MYO7A: variants seen among roughly 807,000 people sequenced by gnomAD.
The protein encoded by MYO7A is unconventional myosin-VIIa.
MYO7A carries 210 observed loss-of-function variants against 263.8 expected under a neutral mutation model. The observed-to-expected ratio is 0.80, with a 90% CI of 0.71 to 0.89. MYO7A has a LOEUF of 0.89. MYO7A is among the 40% of genes least tolerant of loss of function. The probability of loss-of-function intolerance (pLI) is 0.00; values close to 1 mark genes in which losing one functional copy is unlikely to be tolerated. For missense variants in MYO7A, 2,820 were observed against 2,968.3 expected, an observed-to-expected ratio of 0.95 and a Z score of 1.16; for synonymous variants, 1,239 against 1,197.3, an observed-to-expected ratio of 1.03 and a Z score of -0.72.
intron 34 of MYO7A, among the ~76,000 whole-genome samples, chr11:77,199,312 A>C (rs1956899655): frequency 6.6e-6 from 1 of 152,208 alleles, no homozygotes; most frequent in Non-Finnish European, 1.5e-5. Flanking sequence ...GTGGGAGGGC[A>C]GGGAGGACTT....
chr11:77,196,401 G>T (rs1039616092), intron 32 of MYO7A, among the ~76,000 whole-genome samples: 23 of 152,064 alleles, frequency 1.5e-4, no homozygotes, highest in Non-Finnish European at 2.1e-4. Flanking sequence ...TCCAAATAGG[G>T]TTACATTCTG....
intron 23 of MYO7A, 128 bp downstream of exon 23, chr11:77,181,717 G>A: frequency 1.1e-6 from 1 of 951,450 alleles, no homozygotes; most frequent in Non-Finnish European, 1.5e-6. Context: ...AGATGAACTG[G>A]GTCCGGGCTG....
intron 21 of MYO7A, 71 bp from the exon 22 acceptor site, chr11:77,180,303 G>T: frequency 7.4e-7 from 1 of 1,352,746 alleles, no homozygotes. Flanking sequence ...TTGGGTGGGT[G>T]GAGCTGGTGG....
intron 41 of MYO7A, 91 bp downstream of exon 41, chr11:77,206,293 A>G: frequency 2.1e-6 from 2 of 936,114 alleles, no homozygotes; most frequent in Non-Finnish European, 3.2e-6. Flanking sequence ...CCTCTCCCCC[A>G]TCACCTGACA....
In MYO7A at chr11:77,180,593, A is replaced by C; in HGVS notation, c.2694+112A>C. On this transcript the variant is annotated intron_variant, in intron 22 of 48. Coordinates refer to ENST00000409709, the MANE Select transcript of MYO7A (RefSeq NM_000260.4). ...CTGCAGCCTTCCTTCCATCCTTCAG[A>C]ATGGCCACACTAGACCCACTCAGCC... The C allele has an allele frequency of 4.3e-6, 4 of 938,224 alleles. No individual in the cohort carries two copies. The South Asian group carries it at 6.3e-5, about 15-fold the overall frequency. 58.1% of individuals were successfully genotyped at this position (938,224 alleles called of 1,614,324 possible). A position where few individuals can be genotyped will look rare whatever the true frequency, so the allele number is the denominator to read the frequency against.
chr11:77,209,929 C>T (rs1320312177), intron 44 of MYO7A, among the ~76,000 whole-genome samples: 1 of 152,170 alleles, frequency 6.6e-6, no homozygotes, highest in African/African-American at 2.4e-5. Flanking sequence ...TTGTACCTGG[C>T]TCTCCTTCAG....
chr11:77,198,793 G>C lies in MYO7A; in HGVS notation c.4568+172G>C, dbSNP rs73497617. ...CTCTGGCACCTCCTAGTGGAGGGAT[G>C]GGCTTGGGCTTTACAGCACATTAAG... On this transcript the variant is annotated intron_variant, in intron 34 of 48. Coordinates refer to ENST00000409709, the MANE Select transcript of MYO7A (RefSeq NM_000260.4). 0.051 allele frequency among the ~76,000 whole-genome samples: 7,723 copies of C among 152,298 alleles called. 477 individuals are homozygous for C. The highest frequency in any genetic ancestry group is 0.15 in the African/African-American group (6,331 of 41,542).
chr11:77,196,052 T>C (rs1342302109), intron 32 of MYO7A, among the ~76,000 whole-genome samples: 2 of 152,132 alleles, frequency 1.3e-5, no homozygotes, highest in African/African-American at 2.4e-5. Flanking sequence ...ACCCAAGATA[T>C]CTCATTAGTG....
chr11:77,142,788 C>G lies in MYO7A; in HGVS notation c.98C>G (p.Ser33Cys). The change falls in exon 3 of 49, where the codon TCT (serine) becomes TGT (cysteine). Residue 33 changes from serine (S) to cysteine (C), a missense_variant. Physicochemically the swap from Ser to Cys is moderately radical, Grantham distance 112. Transcript: ENST00000409709. ...PIGAVVKLCD[S>C]GQVQVVDDED... ...GGGGCGGTGGTGAAGCTCTGCGACT[C>G]TGGGCAGGTCCAGGTGGTGGATGAT... 6.2e-7 allele frequency: 1 copy of G among 1,610,638 alleles called. No individual in the cohort carries two copies. The highest frequency in any genetic ancestry group is 8.5e-7 in the Non-Finnish European group (1 of 1,178,674).
chr11:77,211,482 C>T (rs2135787500), intron 45 of MYO7A, 145 bp downstream of exon 45: 3 of 914,016 alleles, frequency 3.3e-6, no homozygotes, highest in Non-Finnish European at 3.2e-6. Flanking sequence ...CACCCTTGTT[C>T]CTCCACCTGC....
At chr11:77,135,435 T>C (rs1950879549) in intron 2 of MYO7A, among the ~76,000 whole-genome samples, 1 of 152,260 alleles carries the variant, frequency 6.6e-6, no homozygotes, top group Non-Finnish European at 1.5e-5. Flanking sequence ...CGTTTTATTG[T>C]ATGTTTATAC....
chr11:77,159,570 G>A, intron 10 of MYO7A, 47 bp downstream of exon 10: 1 of 1,584,878 alleles, frequency 6.3e-7, no homozygotes, highest in Non-Finnish European at 8.6e-7. Context: ...TCCCTCTGAA[G>A]GGTTGAGTTT....
intron 15 of MYO7A, among the ~76,000 whole-genome samples, 170 bp from the exon 16 acceptor site, chr11:77,172,578 G>T (rs1555076724): frequency 6.6e-6 from 1 of 152,138 alleles, no homozygotes; most frequent in African/African-American, 2.4e-5. Flanking sequence ...TGGAGTCCAG[G>T]CTCCAGCTCA....
chr11:77,171,246 TGTG>T (rs554004774), intron 15 of MYO7A, among the ~76,000 whole-genome samples: 84 of 149,784 alleles, frequency 5.6e-4, no homozygotes, highest in African/African-American at 1.4e-3. Context: ...GTGTGTGTGT[TGTG>T]TGTGTGTGTG....
At chr11:77,129,820 G>T (rs893813061) in intron 1 of MYO7A, among the ~76,000 whole-genome samples, 5 of 152,366 alleles carry the variant, frequency 3.3e-5, no homozygotes, top group Middle Eastern at 3.4e-3. Context: ...GGGCCAGTGT[G>T]TGAAGGCCAG....
At chr11:77,185,786 A>G (rs1555088092) in intron 27 of MYO7A, among the ~76,000 whole-genome samples, 1 of 152,238 alleles carries the variant, frequency 6.6e-6, no homozygotes, top group Non-Finnish European at 1.5e-5. Context: ...AGGAATCACT[A>G]TCTATGGCAG....
intron 21 of MYO7A, 111 bp from the exon 22 acceptor site, chr11:77,180,263 C>CTGCCAAATTATTTGGA: frequency 1.1e-6 from 1 of 917,828 alleles, no homozygotes; most frequent in Non-Finnish European, 1.6e-6. Context: ...CTTGTCCTAT[C>CTGCCAAATTATTTGGA]AAAGTCATGC....
intron 31 of MYO7A, 68 bp from the exon 32 acceptor site, chr11:77,194,286 T>G: frequency 6.5e-7 from 1 of 1,545,972 alleles, no homozygotes; most frequent in Non-Finnish European, 8.8e-7. Context: ...CCTGGAGCCT[T>G]TGGTGGTGTG....
At position 77,197,370 on chromosome 11, in the gene MYO7A, G is replaced by T. The variant is rs2135655137; in HGVS notation, c.4324-111G>T. On this transcript the variant is annotated intron_variant, in intron 32 of 48. Coordinates refer to ENST00000409709, the MANE Select transcript of MYO7A (RefSeq NM_000260.4). Reference sequence around the variant, plus strand: ...GAGCAGGGCAAGGCCACGATGCACAGGAGGTGCAGGAGCCCCAGGCTGCTC... The same window carrying T: ...GAGCAGGGCAAGGCCACGATGCACATGAGGTGCAGGAGCCCCAGGCTGCTC... 4.0e-6 allele frequency: 3 copies of T among 746,538 alleles called. No individual in the cohort carries two copies. In the South Asian group the frequency reaches 5.4e-5, roughly 14 times the overall value. 46.2% of individuals were successfully genotyped at this position (746,538 alleles called of 1,614,324 possible). A position where few individuals can be genotyped will look rare whatever the true frequency, so the allele number is the denominator to read the frequency against.
Sources: allele counts gnomAD v4.1 joint callset (sites outside exome capture counted in the v4.1 genomes callset), GRCh38; gene constraint gnomAD v4.1.1; transcripts MANE v1.5; gene names NCBI Gene and HGNC (gene_info 2026-07-23, HGNC 2026-07-21).